Variants in ASTN2 observed in about 807,000 individuals in gnomAD.
ASTN2 encodes astrotactin-2.
ASTN2 carries 54 observed loss-of-function variants against 139.8 expected under a neutral mutation model. The ratio of observed to expected loss-of-function variants is 0.39; its 90% CI spans 0.31 to 0.48. The LOEUF (loss-of-function observed/expected upper bound fraction) is 0.48, where lower values mean the gene tolerates loss of function less well. Among genes scored for constraint, ASTN2 ranks in the 20% least tolerant of loss-of-function variants. The pLI, the probability that ASTN2 is intolerant of heterozygous loss-of-function variation, is 0.95. For synonymous variants in ASTN2, 756 were observed against 719.5 expected (o/e 1.05, Z -0.81); for missense variants, 1,565 against 1,725.1 (o/e 0.91, Z 1.64).
chr9:116,437,527 G>A (rs1401563159), intron 22 of ASTN2: 3 of 471,270 alleles, frequency 6.4e-6, no homozygotes, highest in Non-Finnish European at 1.3e-5. Flanking sequence ...CCTGGCCTCT[G>A]TGGGCGGCCC....
intron 4 of ASTN2, among the ~76,000 whole-genome samples, chr9:117,106,873 G>A (rs932581910): frequency 2.6e-5 from 4 of 152,154 alleles, no homozygotes; most frequent in South Asian, 4.1e-4. Flanking sequence ...ATACCTGACA[G>A]CTTTTTCTAT....
intron 1 of ASTN2, among the ~76,000 whole-genome samples, chr9:117,328,946 T>C (rs1445131539): frequency 6.6e-6 from 1 of 152,190 alleles, no homozygotes; most frequent in Non-Finnish European, 1.5e-5. Context: ...AATTAAGGTT[T>C]GGATGCCATC....
At chr9:116,512,174 T>A (rs924535156) in intron 19 of ASTN2, among the ~76,000 whole-genome samples, 19 of 152,220 alleles carry the variant, frequency 1.2e-4, no homozygotes, top group African/African-American at 4.6e-4. Flanking sequence ...CTGCTTTAAA[T>A]GTGTCCCAGA....
At chr9:117,107,533 T>A (rs1829137813) in intron 4 of ASTN2, among the ~76,000 whole-genome samples, 2 of 152,204 alleles carry the variant, frequency 1.3e-5, no homozygotes, top group South Asian at 4.1e-4. Flanking sequence ...ATATTTCAAA[T>A]TCATTCTGCC....
chr9:117,394,548 G>C (rs1830626835), intron 1 of ASTN2, among the ~76,000 whole-genome samples: 2 of 152,138 alleles, frequency 1.3e-5, no homozygotes, highest in Admixed American at 6.5e-5. Flanking sequence ...AGATAAATAA[G>C]GCAAAGAGGG....
chr9:116,439,921 A>C (rs993623384), intron 22 of ASTN2, among the ~76,000 whole-genome samples: 3 of 152,198 alleles, frequency 2.0e-5, no homozygotes, highest in African/African-American at 7.2e-5. Flanking sequence ...CTACCTTTTT[A>C]TCGTTGCATT....
chr9:116,933,222 C>A (rs1400113442), intron 10 of ASTN2, among the ~76,000 whole-genome samples: 2 of 152,138 alleles, frequency 1.3e-5, no homozygotes, highest in Admixed American at 6.6e-5. Context: ...AAGGAACTAA[C>A]TCCAGCTTCC....
intron 10 of ASTN2, among the ~76,000 whole-genome samples, chr9:116,901,090 TTGTG>T (rs59919446): frequency 8.7e-5 from 13 of 149,638 alleles, no homozygotes; most frequent in East Asian, 2.0e-4. Flanking sequence ...CGGCTACTGA[TTGTG>T]TGTGTGTGTG....
At chr9:117,255,173 GC>G (rs1263826203) in intron 2 of ASTN2, among the ~76,000 whole-genome samples, 4 of 152,188 alleles carry the variant, frequency 2.6e-5, no homozygotes, top group African/African-American at 9.6e-5. Context: ...ATTATAAACA[GC>G]CCCCTCTGGA....
intron 13 of ASTN2, among the ~76,000 whole-genome samples, chr9:116,741,609 G>A (rs1829098391): frequency 6.6e-6 from 1 of 152,158 alleles, no homozygotes; most frequent in Non-Finnish European, 1.5e-5. Context: ...GTCACTGGCT[G>A]GCTGTGTGAT....
At position 117,271,561 on chromosome 9, in the gene ASTN2, T is replaced by C. The variant is rs139614366; in HGVS notation, c.630+19765A>G. Among the ~76,000 whole-genome samples, 530 of 152,246 alleles carry C rather than the reference T, an allele frequency of 3.5e-3. 1 individual carries two copies. The highest frequency in any genetic ancestry group is 0.011 in the African/African-American group (471 of 41,554). On this transcript the variant is annotated intron_variant, in intron 2 of 22. Transcript: ENST00000313400. Reference sequence around the variant, plus strand: ...TCAAAGTCCACAGTCCAAAGTCTCATCTGAAACAAGGTAAGTCCCTTCCAC... The same window carrying C: ...TCAAAGTCCACAGTCCAAAGTCTCACCTGAAACAAGGTAAGTCCCTTCCAC...
intron 6 of ASTN2, among the ~76,000 whole-genome samples, chr9:117,038,499 G>A (rs1202147431): frequency 6.6e-6 from 1 of 152,102 alleles, no homozygotes; most frequent in East Asian, 1.9e-4. Context: ...AAAAATTATA[G>A]TGAGAAGACA....
intron 4 of ASTN2, among the ~76,000 whole-genome samples, chr9:117,098,122 A>C (rs1828883483): frequency 6.6e-6 from 1 of 152,146 alleles, no homozygotes; most frequent in South Asian, 2.1e-4. Flanking sequence ...TAATATACAC[A>C]TTGCTTTCCT....
At chr9:116,697,693 G>C in intron 16 of ASTN2, 1 of 1,610,678 alleles carries the variant, frequency 6.2e-7, no homozygotes, top group Non-Finnish European at 8.5e-7. Flanking sequence ...CATGAATACT[G>C]TGCTGTTCAG....
chr9:116,714,700 G>T (rs887522161), intron 16 of ASTN2, among the ~76,000 whole-genome samples: 2 of 152,178 alleles, frequency 1.3e-5, no homozygotes, highest in Admixed American at 6.5e-5. Context: ...ACTTACACCT[G>T]TCGGGAGGAG....
intron 2 of ASTN2, among the ~76,000 whole-genome samples, chr9:117,288,142 G>T (rs1381279427): frequency 2.6e-5 from 4 of 152,196 alleles, no homozygotes; most frequent in Non-Finnish European, 1.5e-5. Context: ...GACAAGAGGA[G>T]ATGACTGTTT....
intron 1 of ASTN2, among the ~76,000 whole-genome samples, chr9:117,333,724 G>A (rs1311409838): frequency 2.0e-5 from 3 of 152,164 alleles, no homozygotes; most frequent in South Asian, 2.1e-4. Context: ...GGCTGGTTTC[G>A]AACTCCTGAC....
intron 13 of ASTN2, among the ~76,000 whole-genome samples, chr9:116,766,560 A>C (rs1829814576): frequency 6.6e-6 from 1 of 151,690 alleles, no homozygotes; most frequent in Non-Finnish European, 1.5e-5. Flanking sequence ...CATTCATACT[A>C]ATCACATGCA....
intron 1 of ASTN2, among the ~76,000 whole-genome samples, chr9:117,334,730 TC>T (rs1012016768): frequency 2.0e-5 from 3 of 152,088 alleles, no homozygotes; most frequent in East Asian, 3.9e-4. Context: ...AATTACCACT[TC>T]CTGGAAGTTT....
Sources: allele counts gnomAD v4.1 joint callset (sites outside exome capture counted in the v4.1 genomes callset), GRCh38; gene constraint gnomAD v4.1.1; transcripts MANE v1.5; gene names NCBI Gene and HGNC (gene_info 2026-07-23, HGNC 2026-07-21).